The following INO80 variants were observed in gnomAD, a reference collection of about 807,000 sequenced individuals.
INO80 encodes the protein chromatin-remodeling ATPase INO80.
A neutral mutation model predicts 203.4 loss-of-function variants in INO80; 20 were observed. That is an observed-to-expected ratio of 0.10 (90% CI 0.07 to 0.14). INO80 has a LOEUF of 0.14. Among genes scored for constraint, INO80 ranks in the 10% least tolerant of loss-of-function variants. The pLI, the probability that INO80 is intolerant of heterozygous loss-of-function variation, is 1.00. For missense variants in INO80, 1,419 were observed against 1,914.4 expected, an observed-to-expected ratio of 0.74 and a Z score of 4.83; for synonymous variants, 726 against 685.2, an observed-to-expected ratio of 1.06 and a Z score of -0.93.
At chr15:40,985,707 T>C (rs2043722926) in intron 31 of INO80, among the ~76,000 whole-genome samples, 1 of 152,024 alleles carries the variant, frequency 6.6e-6, no homozygotes, top group Non-Finnish European at 1.5e-5. Flanking sequence ...CCCAGGAGCT[T>C]GAGACCAGCC....
intron 14 of INO80, among the ~76,000 whole-genome samples, chr15:41,067,976 A>G (rs1289755908): frequency 6.6e-6 from 1 of 152,152 alleles, no homozygotes; most frequent in African/African-American, 2.4e-5. Context: ...AATCTAATCA[A>G]TGTCTTGCCC....
At chr15:41,034,196 T>G (rs1200566377) in intron 24 of INO80, among the ~76,000 whole-genome samples, 2 of 152,252 alleles carry the variant, frequency 1.3e-5, no homozygotes, top group Admixed American at 1.3e-4. Flanking sequence ...AGAATGGTAC[T>G]TCTTTGGATT....
intron 7 of INO80, among the ~76,000 whole-genome samples, chr15:41,083,901 T>C (rs1409576554): frequency 6.6e-6 from 1 of 152,198 alleles, no homozygotes; most frequent in East Asian, 1.9e-4. Flanking sequence ...CCTATTCATG[T>C]GCCAGTACCA....
At chr15:41,044,839 T>C (rs1320883357) in intron 24 of INO80, 65 bp downstream of exon 24, 2 of 1,477,236 alleles carry the variant, frequency 1.4e-6, no homozygotes, top group African/African-American at 1.4e-5. Context: ...ACTATTATTT[T>C]TACTTATTCA....
chr15:41,061,100 A>C (rs1465510799), intron 14 of INO80, among the ~76,000 whole-genome samples: 2 of 152,100 alleles, frequency 1.3e-5, no homozygotes, highest in East Asian at 3.8e-4. Context: ...TGAGCATGGG[A>C]GTTTCAGACC....
chr15:41,058,183 T>C (rs1255822028), intron 16 of INO80, among the ~76,000 whole-genome samples: 1 of 152,194 alleles, frequency 6.6e-6, no homozygotes, highest in Non-Finnish European at 1.5e-5. Context: ...CCTTCCTCTA[T>C]AGAAATTTTC....
At chr15:41,101,943 G>C (rs1023232411) in intron 1 of INO80, among the ~76,000 whole-genome samples, 3 of 151,954 alleles carry the variant, frequency 2.0e-5, no homozygotes, top group Admixed American at 2.0e-4. Flanking sequence ...TGTAATCCCA[G>C]CACTTTGGGA....
At chr15:41,067,359 C>A (rs1037343810) in intron 14 of INO80, among the ~76,000 whole-genome samples, 1 of 152,064 alleles carries the variant, frequency 6.6e-6, no homozygotes, top group African/African-American at 2.4e-5. Flanking sequence ...CAGGCATGAG[C>A]CACCATGCCC....
intron 9 of INO80, among the ~76,000 whole-genome samples, chr15:41,077,394 A>G (rs2045422192): frequency 1.3e-5 from 2 of 151,302 alleles, no homozygotes; most frequent in Admixed American, 1.3e-4. Context: ...GGCTGAAAGT[A>G]TATTTTATAA....
intron 20 of INO80, among the ~76,000 whole-genome samples, 156 bp from the exon 21 acceptor site, chr15:41,049,576 C>T (rs1015652169): frequency 6.6e-6 from 1 of 152,188 alleles, no homozygotes; most frequent in Admixed American, 6.5e-5. Context: ...CAAGGATAGA[C>T]TGTTTTTCTT....
intron 21 of INO80, among the ~76,000 whole-genome samples, chr15:41,048,479 T>C (rs1048986313): frequency 6.6e-6 from 1 of 152,178 alleles, no homozygotes; most frequent in Non-Finnish European, 1.5e-5. Context: ...AAGAAGATAA[T>C]ACAAATTAAA....
Position 41,071,978 on chromosome 15 carries a change from C to T in INO80, c.1476G>A (p.Gly492=). Residue 492 remains glycine, a synonymous_variant, in exon 12 of 36, where the codon GGG becomes GGA. Coordinates refer to ENST00000648947, the MANE Select transcript of INO80 (RefSeq NM_017553.3). ...RAANKSGTGF[G]ESYSLANPSI... ...ATGGGTTAGCCAGGCTATAACTCTCCCCAAACCCAGTGCCAGACTTGTTTG... is the reference window on the plus strand; with the variant it reads ...ATGGGTTAGCCAGGCTATAACTCTCTCCAAACCCAGTGCCAGACTTGTTTG... 1 of 1,613,612 alleles carries T rather than the reference C, an allele frequency of 6.2e-7. No homozygotes were observed. The highest frequency in any genetic ancestry group is 1.1e-5 in the South Asian group (1 of 91,072).
intron 24 of INO80, among the ~76,000 whole-genome samples, chr15:41,043,827 A>G (rs535420539): frequency 1.4e-4 from 22 of 152,328 alleles, no homozygotes; most frequent in African/African-American, 5.3e-4. Context: ...ACCTACATCT[A>G]TAACTTCAGT....
At chr15:41,080,202 A>C (rs2045465448) in intron 8 of INO80, among the ~76,000 whole-genome samples, 1 of 152,220 alleles carries the variant, frequency 6.6e-6, no homozygotes, top group South Asian at 2.1e-4. Context: ...TGCACACATT[A>C]ATAACAGCTA....
chr15:41,044,939 A>T lies in INO80; in HGVS notation c.2872T>A (p.Ser958Thr), dbSNP rs542143646. The change falls in exon 24 of 36, where the codon TCC (serine) becomes ACC (threonine). Residue 958 changes from serine (S) to threonine (T), a missense_variant. Transcript: ENST00000648947. Reference sequence around the variant, plus strand: ...GGGCAGCTGCAAAGGTTTGGAAAGGAGAGTGGAAAATTAACCCCAAGAAGG... The same window carrying T: ...GGGCAGCTGCAAAGGTTTGGAAAGGTGAGTGGAAAATTAACCCCAAGAAGG... ...DFLLGVNFPLSFPNLCSCPLL... is the reference protein window; with the variant it reads ...DFLLGVNFPLTFPNLCSCPLL... The T allele has an allele frequency of 1.2e-6, 2 of 1,613,156 alleles. No homozygotes were observed. Among genetic ancestry groups the T allele is most frequent in the East Asian group, 4.5e-5 (2 of 44,858 alleles).
At chr15:41,082,476 G>C (rs1005767998) in intron 7 of INO80, among the ~76,000 whole-genome samples, 5 of 151,916 alleles carry the variant, frequency 3.3e-5, no homozygotes, top group African/African-American at 1.2e-4. Context: ...CGAGGTGGTT[G>C]GATCACCTGA....
At chr15:41,013,904 T>C (rs1381257986) in intron 27 of INO80, among the ~76,000 whole-genome samples, 2 of 152,192 alleles carry the variant, frequency 1.3e-5, no homozygotes, top group Admixed American at 6.5e-5. Context: ...AATACATCTA[T>C]GTTTAGAGAG....
chr15:41,092,878 A>C (rs1328582002), intron 4 of INO80, among the ~76,000 whole-genome samples: 1 of 151,988 alleles, frequency 6.6e-6, no homozygotes, highest in East Asian at 1.9e-4. Context: ...GCAACCTAAT[A>C]AGATCTCTTC....
intron 35 of INO80, among the ~76,000 whole-genome samples, chr15:40,980,688 G>A (rs1047053932): frequency 6.6e-6 from 1 of 152,152 alleles, no homozygotes; most frequent in Non-Finnish European, 1.5e-5. Context: ...TTCATCCACA[G>A]ATGGTAAAAT....
Sources: gnomAD v4.1 joint callset for allele counts (sites outside exome capture counted in the v4.1 genomes callset) on GRCh38, gnomAD v4.1.1 for gene constraint, MANE v1.5 for transcripts, NCBI Gene and HGNC (gene_info 2026-07-23, HGNC 2026-07-21) for gene names.